Variants in RECQL observed in about 807,000 individuals in gnomAD.
RECQL encodes RecQ like helicase, also known as ATP-dependent DNA helicase Q1.
RECQL carries 73 observed loss-of-function variants against 75.8 expected under a neutral mutation model. The ratio of observed to expected loss-of-function variants is 0.96; its 90% CI spans 0.80 to 1.17. The LOEUF (loss-of-function observed/expected upper bound fraction) is 1.17. Ranked by LOEUF, RECQL falls within the 50% of genes most tolerant of loss-of-function variation. The probability of loss-of-function intolerance (pLI) is 0.00; values close to 1 mark genes in which losing one functional copy is unlikely to be tolerated. For synonymous variants in RECQL, 248 were observed against 254.4 expected, an observed-to-expected ratio of 0.97 and a Z score of 0.24; for missense variants, 699 against 772.1, an observed-to-expected ratio of 0.91 and a Z score of 1.12.
intron 2 of RECQL, among the ~76,000 whole-genome samples, chr12:21,492,012 A>G (rs1943424621): frequency 6.6e-6 from 1 of 152,208 alleles, no homozygotes; most frequent in Non-Finnish European, 1.5e-5. Flanking sequence ...GTGAGATAAT[A>G]TATTAGGAGT....
intron 5 of RECQL, among the ~76,000 whole-genome samples, chr12:21,484,520 G>C (rs1344546195): frequency 6.6e-6 from 1 of 152,032 alleles, no homozygotes; most frequent in African/African-American, 2.4e-5. Context: ...AGAATGACAT[G>C]GAGTTTAAAT....
At chr12:21,471,915 A>AT (rs1172333233) in intron 12 of RECQL, among the ~76,000 whole-genome samples, 2 of 152,174 alleles carry the variant, frequency 1.3e-5, no homozygotes, top group African/African-American at 4.8e-5. Flanking sequence ...TATACTCTAG[A>AT]AATCAGAAAG....
At chr12:21,495,074 G>A (rs1052092725) in intron 2 of RECQL, among the ~76,000 whole-genome samples, 4 of 152,186 alleles carry the variant, frequency 2.6e-5, no homozygotes, top group East Asian at 1.9e-4. Flanking sequence ...TTTGTAACAC[G>A]CAGAATAGAA....
In RECQL at chr12:21,486,656, C is replaced by CCTTTTTTTTTTTTTTTTT. The variant is rs1565571187; in HGVS notation, c.395-72_395-71insAAAAAAAAAAAAAAAAAG. 2.1e-5 allele frequency: 3 copies of CCTTTTTTTTTTTTTTTTT among 141,742 alleles called. 1 individual carries two copies. Among genetic ancestry groups the CCTTTTTTTTTTTTTTTTT allele is most frequent in the African/African-American group, 6.8e-5 (1 of 14,784 alleles). The allele number at this position is 141,742 out of a possible 1,614,324, so 8.8% of individuals were successfully genotyped here. A position where few individuals can be genotyped will look rare whatever the true frequency, so the allele number is the denominator to read the frequency against. On this transcript the variant is annotated intron_variant, in intron 4 of 14. Coordinates refer to ENST00000444129, the MANE Select transcript of RECQL (RefSeq NM_002907.4). ...CTCAGAATCAGATGCAAACCATTCACGTTTTTTTTTTTTTTTTTTTTTTTT... is the reference window on the plus strand; with the variant it reads ...CTCAGAATCAGATGCAAACCATTCACCTTTTTTTTTTTTTTTTTGTTTTTTTTTTTTTTTTTTTTTTTT...
In RECQL at chr12:21,483,378, G is replaced by T; in HGVS notation, c.698C>A (p.Pro233His). Reference protein sequence around the residue: ...CCSQWGHDFRPDYKALGILKR... With the variant: ...CCSQWGHDFRHDYKALGILKR... ...TTTTCTAGATAAAACATACATACCAGGTCTGAAATCATGTCCCCACTGACT... is the reference window on the plus strand; with the variant it reads ...TTTTCTAGATAAAACATACATACCATGTCTGAAATCATGTCCCCACTGACT... Residue 233 changes from proline to histidine, a missense_variant and splice_region_variant, in exon 6 of 15, where the codon CCT becomes CAT. Physicochemically the swap from Pro to His is moderately conservative, Grantham distance 77 (BLOSUM62 -2). This residue lies in a region of RECQL where 669 missense variants were observed against 713.5 expected (regional missense o/e 0.94). Coordinates refer to ENST00000444129, the MANE Select transcript of RECQL (RefSeq NM_002907.4). 6.3e-7 allele frequency: 1 copy of T among 1,596,998 alleles called. No homozygotes were observed. The highest frequency in any genetic ancestry group is 8.5e-7 in the Non-Finnish European group (1 of 1,173,400).
intron 12 of RECQL, among the ~76,000 whole-genome samples, 199 bp downstream of exon 12, chr12:21,473,352 C>T (rs1246387450): frequency 3.9e-5 from 6 of 152,050 alleles, no homozygotes; most frequent in Non-Finnish European, 7.4e-5. Context: ...TACAGTAACA[C>T]GCTGTACAGA....
intron 4 of RECQL, among the ~76,000 whole-genome samples, chr12:21,488,504 T>G (rs531924296): frequency 3.3e-5 from 5 of 152,128 alleles, no homozygotes; most frequent in African/African-American, 4.8e-5. Context: ...GACACAAACA[T>G]CCTCCTACTC....
rs1193852070 is a variant in RECQL at position 21,492,652 on chromosome 12, TA to T, written c.17-937del. ...GCAGAAATAAAGCAGCAGCCAGTTTTACATTGGGATGGTTGGCCTATGGCCA... is the reference window on the plus strand; with the variant it reads ...GCAGAAATAAAGCAGCAGCCAGTTTTCATTGGGATGGTTGGCCTATGGCCA... On this transcript the variant is annotated intron_variant, in intron 2 of 14. Transcript: ENST00000444129. Among the ~76,000 whole-genome samples, 14 of 152,356 alleles carry T rather than the reference TA, an allele frequency of 9.2e-5. No individual in the cohort carries two copies. In the East Asian group the frequency reaches 2.7e-3, roughly 29 times the overall value.
chr12:21,496,736 T>C (rs1943515314), intron 2 of RECQL, among the ~76,000 whole-genome samples: 1 of 152,230 alleles, frequency 6.6e-6, no homozygotes, highest in South Asian at 2.1e-4. Context: ...TTTCTATATC[T>C]GGCCCCTCCT....
intron 11 of RECQL, 115 bp downstream of exon 11, chr12:21,474,726 T>C: frequency 1.0e-6 from 1 of 976,672 alleles, no homozygotes; most frequent in South Asian, 1.6e-5. Context: ...CATCTGCTTT[T>C]ATGGATCTGC....
chr12:21,487,956 A>G (rs956939641), intron 4 of RECQL, among the ~76,000 whole-genome samples: 3 of 152,202 alleles, frequency 2.0e-5, no homozygotes, highest in Admixed American at 2.0e-4. Context: ...ATTAACTGAT[A>G]TAAAGTATTC....
chr12:21,488,545 G>C (rs1198421004), intron 4 of RECQL, among the ~76,000 whole-genome samples: 1 of 152,088 alleles, frequency 6.6e-6, no homozygotes, highest in African/African-American at 2.4e-5. Context: ...TGTCTTAAAG[G>C]CATCGTAAAT....
chr12:21,471,152 C>A, intron 13 of RECQL, 54 bp from the exon 14 acceptor site: 1 of 1,492,040 alleles, frequency 6.7e-7, no homozygotes. Flanking sequence ...TCACGGAAAA[C>A]AAATTTATAA....
chr12:21,479,538 A>T (rs976307518), intron 6 of RECQL, among the ~76,000 whole-genome samples: 7 of 152,002 alleles, frequency 4.6e-5, no homozygotes, highest in African/African-American at 1.7e-4. Flanking sequence ...TTTTTAGTAG[A>T]GACGGGGTTT....
chr12:21,479,604 C>T (rs1276369874), intron 6 of RECQL, among the ~76,000 whole-genome samples: 3 of 152,070 alleles, frequency 2.0e-5, no homozygotes, highest in African/African-American at 7.2e-5. Flanking sequence ...CCGCCCGCCT[C>T]GGCCTCCCAA....
Position 21,468,931 on chromosome 12 carries a change from G to C in RECQL, c.*1263C>G. The C allele has an allele frequency of 6.7e-6, 4 of 595,940 alleles. No individual in the cohort carries two copies. Among genetic ancestry groups the C allele is most frequent in the Non-Finnish European group, 1.1e-5 (4 of 358,110 alleles). The allele number at this position is 595,940 out of a possible 1,614,324, so 36.9% of individuals were successfully genotyped here. A position where few individuals can be genotyped will look rare whatever the true frequency, so the allele number is the denominator to read the frequency against. The stretch of plus-strand genomic sequence containing the variant: ...ATTCTAAGTTTGAAATCAGTTCAAA[G>C]TTTATTTATAGATATATCTTTCCAA... On this transcript the variant is annotated 3_prime_UTR_variant, in exon 15 of 15. Transcript: ENST00000444129.
chr12:21,479,156 T>A (rs970909826), intron 6 of RECQL, among the ~76,000 whole-genome samples: 1 of 152,100 alleles, frequency 6.6e-6, no homozygotes, highest in Non-Finnish European at 1.5e-5. Flanking sequence ...CCCCAGTTCC[T>A]CCCACAATTG....
chr12:21,470,084 T>G lies in RECQL; in HGVS notation c.*110A>C. ...GATAAGCTCTGAAAATATAGATCCA[T>G]ACATATAAAATATCTATGAAATTCT... is the stretch of plus-strand genomic sequence containing the variant. On this transcript the variant is annotated 3_prime_UTR_variant, in exon 15 of 15. Transcript: ENST00000444129. 1 of 875,844 alleles carries G rather than the reference T, an allele frequency of 1.1e-6. No individual in the cohort carries two copies. Among genetic ancestry groups the G allele is most frequent in the Non-Finnish European group, 1.7e-6 (1 of 578,810 alleles). 54.3% of individuals were successfully genotyped at this position (875,844 alleles called of 1,614,324 possible). A position where few individuals can be genotyped will look rare whatever the true frequency, so the allele number is the denominator to read the frequency against.
intron 2 of RECQL, among the ~76,000 whole-genome samples, chr12:21,498,586 G>A (rs531044126): frequency 6.6e-6 from 1 of 152,140 alleles, no homozygotes; most frequent in Non-Finnish European, 1.5e-5. Flanking sequence ...TACTATACTT[G>A]CTGGGGTAAG....
Sources: allele counts gnomAD v4.1 joint callset (sites outside exome capture counted in the v4.1 genomes callset), GRCh38; gene constraint gnomAD v4.1.1; regional missense constraint gnomAD v4.1.1; transcripts MANE v1.5; gene names NCBI Gene and HGNC (gene_info 2026-07-23, HGNC 2026-07-21).